The following AHCTF1 variants were observed in gnomAD, a reference collection of about 807,000 sequenced individuals.
The protein encoded by AHCTF1 is AT-hook containing transcription factor 1, also known as protein ELYS.
A neutral mutation model predicts 248.4 loss-of-function variants in AHCTF1; 24 were observed. The ratio of observed to expected loss-of-function variants is 0.10; its 90% CI spans 0.07 to 0.14. AHCTF1 has a LOEUF of 0.14. Among genes scored for constraint, AHCTF1 ranks in the 10% least tolerant of loss-of-function variants. The pLI, the probability that AHCTF1 is intolerant of heterozygous loss-of-function variation, is 1.00. For synonymous variants in AHCTF1, 786 were observed against 929.8 expected (o/e 0.85, Z 2.81); for missense variants, 2,206 against 2,636.2 (o/e 0.84, Z 3.57).
chr1:246,888,347 C>T, intron 18 of AHCTF1, 47 bp downstream of exon 18: 1 of 1,612,302 alleles, frequency 6.2e-7, no homozygotes, highest in Non-Finnish European at 8.5e-7. Context: ...TCTCCTCCCT[C>T]CCCAGCTTTG....
At chr1:246,898,421 A>T in intron 11 of AHCTF1, 85 bp from the exon 12 acceptor site, 1 of 1,386,302 alleles carries the variant, frequency 7.2e-7, no homozygotes, top group Non-Finnish European at 9.8e-7. Flanking sequence ...CTTAAAATTT[A>T]AGTAAAATTT....
chr1:246,918,472 C>A, intron 1 of AHCTF1, 95 bp from the exon 2 acceptor site: 1 of 1,225,800 alleles, frequency 8.2e-7, no homozygotes, highest in East Asian at 2.9e-5. Flanking sequence ...AAGCCACCAA[C>A]AAAATAAAGA....
At chr1:246,883,104 C>CA (rs1390024618) in intron 21 of AHCTF1, among the ~76,000 whole-genome samples, 2 of 152,152 alleles carry the variant, frequency 1.3e-5, no homozygotes, top group Non-Finnish European at 2.9e-5. Context: ...CAAAACAGGG[C>CA]AAAACCTCCT....
Position 246,918,309 on chromosome 1 carries a change from T to G in AHCTF1, c.62A>C (p.Gln21Pro). 1 of 1,613,198 alleles carries G rather than the reference T, an allele frequency of 6.2e-7. No individual in the cohort carries two copies. The highest frequency in any genetic ancestry group is 1.7e-5 in the Admixed American group (1 of 60,008). ...GLLPFPEVTL[Q>P]ALGEDEITLE... ...TGTTATTTCGTCTTCTCCAAGGGCT[T>G]GAAGAGTCACTTCTGGAAATGGCAG... Residue 21 changes from glutamine to proline, a missense_variant, in exon 2 of 36, where the codon CAA (glutamine) becomes CCA (proline). Physicochemically the swap from Gln to Pro is moderately conservative, Grantham distance 76 (BLOSUM62 -1). Transcript: ENST00000648844.
intron 24 of AHCTF1, among the ~76,000 whole-genome samples, chr1:246,872,257 G>A (rs182116179): frequency 2.7e-3 from 416 of 152,110 alleles, no homozygotes; most frequent in Non-Finnish European, 4.1e-3. Flanking sequence ...TACTCAGATC[G>A]GGCTCCCTTG....
intron 35 of AHCTF1, among the ~76,000 whole-genome samples, 190 bp downstream of exon 35, chr1:246,842,504 C>T (rs1279994063): frequency 6.6e-6 from 1 of 151,976 alleles, no homozygotes; most frequent in Admixed American, 6.6e-5. Context: ...ATCACCTGAA[C>T]CTGGGAGGCA....
chr1:246,854,988 G>C (rs1277355713), intron 31 of AHCTF1, among the ~76,000 whole-genome samples: 2 of 152,136 alleles, frequency 1.3e-5, no homozygotes, highest in Non-Finnish European at 2.9e-5. Flanking sequence ...ATTCTCTCTG[G>C]ATTACTCCAT....
intron 24 of AHCTF1, among the ~76,000 whole-genome samples, chr1:246,869,295 T>C (rs910935650): frequency 1.3e-5 from 2 of 152,126 alleles, no homozygotes; most frequent in African/African-American, 2.4e-5. Context: ...CCTTATTCCT[T>C]GAGACTGACA....
At chr1:246,896,765 T>A (rs1005669077) in intron 12 of AHCTF1, among the ~76,000 whole-genome samples, 2 of 152,118 alleles carry the variant, frequency 1.3e-5, no homozygotes, top group African/African-American at 4.8e-5. Context: ...CTGAGTCTGG[T>A]TTAATATCAC....
Position 246,851,360 on chromosome 1 carries a change from C to G in AHCTF1, c.4646G>C (p.Gly1549Ala). 6.2e-7 allele frequency: 1 copy of G among 1,613,910 alleles called. No individual in the cohort carries two copies. The highest frequency in any genetic ancestry group is 8.5e-7 in the Non-Finnish European group (1 of 1,179,890). Residue 1549 changes from glycine to alanine, a missense_variant, in exon 33 of 36, where the codon GGA (glycine) becomes GCA (alanine). Transcript: ENST00000648844. ...AAAATTGTACTGAAGCTTAAGTGTT[C>G]CAGAGGGATATAACTCATTAAATGA... ...NLSFNELYPS[G>A]TLKLQYNFDT...
intron 5 of AHCTF1, among the ~76,000 whole-genome samples, chr1:246,906,519 T>C (rs893139249): frequency 1.3e-5 from 2 of 151,868 alleles, no homozygotes; most frequent in Admixed American, 1.3e-4. Context: ...GAAGTGGAGG[T>C]TGCAGTGAGC....
At chr1:246,930,047 G>A (rs1207411914) in intron 1 of AHCTF1, among the ~76,000 whole-genome samples, 1 of 130,158 alleles carries the variant, frequency 7.7e-6, no homozygotes, top group Admixed American at 7.4e-5. Context: ...GCAAGACCCC[G>A]TCTCAAAAAA....
intron 13 of AHCTF1, among the ~76,000 whole-genome samples, chr1:246,895,150 G>A (rs1217405376): frequency 6.6e-6 from 1 of 151,838 alleles, no homozygotes; most frequent in Non-Finnish European, 1.5e-5. Context: ...AAAATACAAA[G>A]CATGATTCTG....
Position 246,891,196 on chromosome 1 carries a change from T to C in AHCTF1, c.1946-136A>G, listed in dbSNP as rs1016961105. On this transcript the variant is annotated intron_variant, in intron 15 of 35. Coordinates refer to ENST00000648844, the MANE Select transcript of AHCTF1 (RefSeq NM_001323342.2). ...CATATACATATTTGTTCAAGATATA[T>C]GTATCTCTCTTGAACTAATTCATCT... The C allele has an allele frequency of 4.0e-5, 21 of 528,966 alleles. No individual in the cohort carries two copies. In the Admixed American group the frequency reaches 4.1e-4, roughly 10 times the overall value. The allele number at this position is 528,966 out of a possible 1,614,324, so 32.8% of individuals were successfully genotyped here.
At chr1:246,863,775 T>C (rs1271539435) in intron 27 of AHCTF1, 149 bp downstream of exon 27, 16 of 763,682 alleles carry the variant, frequency 2.1e-5, no homozygotes, top group Non-Finnish European at 3.4e-5. Context: ...GCTCCGTTTT[T>C]AGAAGATGTG....
At position 246,905,588 on chromosome 1, in the gene AHCTF1, A is replaced by C; in HGVS notation, c.834T>G (p.Asp278Glu). 1 of 1,612,534 alleles carries C rather than the reference A, an allele frequency of 6.2e-7. No homozygotes were observed. Among genetic ancestry groups the C allele is most frequent in the South Asian group, 1.1e-5 (1 of 91,014 alleles). The stretch of plus-strand genomic sequence containing the variant: ...CCCACAAGTAACAGCAATTCCGAGG[A>C]TCATTCTCAGGTTCTTGAAAAGTGA... The part of the protein sequence containing the change: ...YAVTFQEPEN[D>E]PRNCCYLWAV... The change falls in exon 6 of 36, where the codon GAT becomes GAG. Residue 278 changes from aspartate (D) to glutamate (E), a missense_variant. By Grantham distance (45) the Asp-to-Glu change is conservative. Coordinates refer to ENST00000648844, the MANE Select transcript of AHCTF1 (RefSeq NM_001323342.2).
In AHCTF1 at chr1:246,861,081, G is replaced by C. The variant is rs1421253623; in HGVS notation, c.3950C>G (p.Thr1317Ser). The C allele has an allele frequency of 4.3e-6, 7 of 1,614,092 alleles. No individual in the cohort carries two copies. Among genetic ancestry groups the C allele is most frequent in the Non-Finnish European group, 5.1e-6 (6 of 1,180,000 alleles). Residue 1317 changes from threonine to serine, a missense_variant, in exon 29 of 36, where the codon ACT (threonine) becomes AGT (serine). By Grantham distance (58) the Thr-to-Ser change is moderately conservative (BLOSUM62 1). Coordinates refer to ENST00000648844, the MANE Select transcript of AHCTF1 (RefSeq NM_001323342.2). ...CGGTGCATCCTGATACTCTAAGGTA[G>C]TCTCATCGGATGTGATTGAAACACT... ...NSSVSITSDE[T>S]TLEYQDAPSP...
At chr1:246,858,323 CT>C (rs2103059247) in intron 29 of AHCTF1, among the ~76,000 whole-genome samples, 1 of 152,240 alleles carries the variant, frequency 6.6e-6, no homozygotes, top group East Asian at 1.9e-4. Flanking sequence ...TCGCTTTTCA[CT>C]TTTTGCTGAA....
In AHCTF1 at chr1:246,850,195, C is replaced by T. The variant is rs777009869; in HGVS notation, c.5811G>A (p.Arg1937=). 1 of 1,613,864 alleles carries T rather than the reference C, an allele frequency of 6.2e-7. No homozygotes were observed. The highest frequency in any genetic ancestry group is 8.5e-7 in the Non-Finnish European group (1 of 1,179,840). ...DKQLRIKHVR[R]VRGREVSPSD... is the part of the protein sequence containing the mutation. ...ATGGACTAACTTCTCTCCCTCTGAC[C>T]CTTCTAACATGTTTAATACGCAGCT... is the stretch of plus-strand genomic sequence containing the variant. Residue 1937 remains arginine, a synonymous_variant, in exon 33 of 36, where the codon AGG becomes AGA. Transcript: ENST00000648844.
Sources: gnomAD v4.1 joint callset for allele counts (sites outside exome capture counted in the v4.1 genomes callset) on GRCh38, gnomAD v4.1.1 for gene constraint, MANE v1.5 for transcripts, NCBI Gene and HGNC (gene_info 2026-07-23, HGNC 2026-07-21) for gene names.